BCR: variants seen among roughly 807,000 people sequenced by gnomAD.
BCR encodes the protein BCR activator of RhoGEF and GTPase.
A neutral mutation model predicts 138.6 loss-of-function variants in BCR; 58 were observed. The observed-to-expected ratio is 0.42, with a 90% confidence interval of 0.34 to 0.52. BCR has a LOEUF of 0.52. Among genes scored for constraint, BCR ranks in the 20% least tolerant of loss-of-function variants. BCR has a pLI of 0.06. For synonymous variants in BCR, 786 were observed against 730.1 expected (o/e 1.08, Z -1.23); for missense variants, 1,599 against 1,727.2 (o/e 0.93, Z 1.32).
intron 1 of BCR, among the ~76,000 whole-genome samples, chr22:23,194,363 C>G (rs561535242): frequency 2.7e-5 from 4 of 150,202 alleles, no homozygotes; most frequent in Admixed American, 2.6e-4. Flanking sequence ...ATTCCAGCAT[C>G]TTGGGAGGCT....
intron 1 of BCR, among the ~76,000 whole-genome samples, chr22:23,244,758 C>A (rs5759660): frequency 2.6e-5 from 4 of 152,102 alleles, no homozygotes; most frequent in East Asian, 1.9e-4. Flanking sequence ...CCCCAGAGTC[C>A]TAAAAAGCCC....
rs143099325 is a variant in BCR, at chr22:23,234,342, G to T, written c.1280-19457G>T. Among the ~76,000 whole-genome samples, 651 of 152,318 alleles carry T rather than the reference G, an allele frequency of 4.3e-3. 5 individuals are homozygous for T. Among genetic ancestry groups the T allele is most frequent in the Middle Eastern group, 0.017 (5 of 294 alleles). On this transcript the variant is annotated intron_variant, in intron 1 of 22. Coordinates refer to ENST00000305877, the MANE Select transcript of BCR (RefSeq NM_004327.4). Reference sequence around the variant, plus strand: ...TCTGTTTATTTAGATCTGGGCCCTGGGGTGGCCCCATGCGTTGAATAAGTG... The same window carrying T: ...TCTGTTTATTTAGATCTGGGCCCTGTGGTGGCCCCATGCGTTGAATAAGTG...
chr22:23,305,874 G>A (rs1368552991), intron 16 of BCR, among the ~76,000 whole-genome samples: 1 of 152,130 alleles, frequency 6.6e-6, no homozygotes, highest in African/African-American at 2.4e-5. Context: ...CATCCGGAGT[G>A]CCTCGGTTTT....
At chr22:23,313,101 G>A (rs2074026448) in intron 20 of BCR, 80 bp downstream of exon 20, 4 of 1,504,806 alleles carry the variant, frequency 2.7e-6, no homozygotes, top group African/African-American at 1.4e-5. Context: ...GAAAAGTGAG[G>A]TGTGGGAACC....
At chr22:23,189,556 AAT>A (rs1286471114) in intron 1 of BCR, among the ~76,000 whole-genome samples, 1 of 151,918 alleles carries the variant, frequency 6.6e-6, no homozygotes, top group African/African-American at 2.4e-5. Context: ...GCTGGAGTGC[AAT>A]GGCACGATCT....
chr22:23,307,954 G>A (rs1401180272), intron 16 of BCR, among the ~76,000 whole-genome samples: 2 of 134,874 alleles, frequency 1.5e-5, no homozygotes, highest in African/African-American at 5.8e-5. Context: ...AGCCGCTAGG[G>A]TCCCTTGCAG....
At chr22:23,296,582 G>A (rs131680) in intron 16 of BCR, among the ~76,000 whole-genome samples, 152,156 of 152,236 alleles carry the variant, frequency 1, 76,038 homozygotes, top group Middle Eastern at 1. Flanking sequence ...CTGTTTTTCT[G>A]CCTTGGAAGC....
chr22:23,233,155 A>G lies in BCR; in HGVS notation c.1280-20644A>G, dbSNP rs188436196. Among the ~76,000 whole-genome samples the G allele has an allele frequency of 1.3e-4, 20 of 152,292 alleles. No individual in the cohort carries two copies. In the East Asian group the frequency reaches 3.9e-3, roughly 29 times the overall value. On this transcript the variant is annotated intron_variant, in intron 1 of 22. Coordinates refer to ENST00000305877, the MANE Select transcript of BCR (RefSeq NM_004327.4). ...TGGCATCTCCAGGCAGAGCCTATAC[A>G]GAGCATCCACATCAGAGTCCCCTGT...
intron 5 of BCR, among the ~76,000 whole-genome samples, chr22:23,271,264 G>A (rs1195524643): frequency 6.6e-6 from 1 of 152,246 alleles, no homozygotes; most frequent in African/African-American, 2.4e-5. Context: ...AGGTGCCCAG[G>A]ACAGCTGCTC....
chr22:23,299,066 G>A (rs912660339), intron 16 of BCR, among the ~76,000 whole-genome samples: 1 of 152,078 alleles, frequency 6.6e-6, no homozygotes, highest in Non-Finnish European at 1.5e-5. Context: ...GCATGATCTC[G>A]GCTCACTGCA....
At position 23,305,109 on chromosome 22, in the gene BCR, G is replaced by A. The variant is rs1231021874; in HGVS notation, c.3013-4315G>A. On this transcript the variant is annotated intron_variant, in intron 16 of 22. Transcript: ENST00000305877. Reference sequence around the variant, plus strand: ...AGCCTGGGCAACAGAGTGAGACTCCGCCTTAAAAAAAAAAAAAAAAAGGTG... The same window carrying A: ...AGCCTGGGCAACAGAGTGAGACTCCACCTTAAAAAAAAAAAAAAAAAGGTG... Among the ~76,000 whole-genome samples the A allele has an allele frequency of 2.5e-4, 29 of 113,950 alleles. No homozygotes were observed. In the East Asian group the frequency reaches 9.6e-3, roughly 38 times the overall value. 74.8% of individuals were successfully genotyped at this position (113,950 alleles called of 152,430 possible).
intron 20 of BCR, 128 bp downstream of exon 20, chr22:23,313,149 C>G: frequency 8.2e-7 from 1 of 1,218,222 alleles, no homozygotes; most frequent in South Asian, 1.4e-5. Context: ...GCATTTTAAC[C>G]CAACCTCAAA....
chr22:23,274,485 A>G (rs1350132379), intron 8 of BCR, among the ~76,000 whole-genome samples: 1 of 152,188 alleles, frequency 6.6e-6, no homozygotes, highest in East Asian at 1.9e-4. Flanking sequence ...TCCAGGGGGA[A>G]CAGCTTTTGT....
chr22:23,236,705 T>C (rs190892585), intron 1 of BCR, among the ~76,000 whole-genome samples: 47 of 152,348 alleles, frequency 3.1e-4, no homozygotes, highest in South Asian at 1.2e-3. Context: ...GTGTGGGATG[T>C]GACTGGGTGT....
chr22:23,301,810 C>G (rs1412130237), intron 16 of BCR, among the ~76,000 whole-genome samples: 1 of 152,226 alleles, frequency 6.6e-6, no homozygotes, highest in African/African-American at 2.4e-5. Flanking sequence ...TAGGGTGGCA[C>G]AGCGGGTTCC....
Position 23,181,017 on chromosome 22 carries a change from G to GC in BCR, c.62dup (p.Arg22AlafsTer50). 2 of 1,492,754 alleles carry GC rather than the reference G, an allele frequency of 1.3e-6. No homozygotes were observed. The highest frequency in any genetic ancestry group is 1.8e-6 in the Non-Finnish European group (2 of 1,112,316). The allele number at this position is 1,492,754 out of a possible 1,614,324, so 92.5% of individuals were successfully genotyped here. On this transcript the variant is annotated frameshift_variant, in exon 1 of 23. Coordinates refer to ENST00000305877, the MANE Select transcript of BCR (RefSeq NM_004327.4). LOFTEE classifies it high-confidence loss of function. ...GGAAGGCGCAGTTCCCGGACTCAGA[G>GC]CCCCCGCGCATGGAGCTGCGCTCAG...
chr22:23,264,101 A>G lies in BCR; in HGVS notation c.1752+2561A>G, dbSNP rs1339595938. ...GGGACTGCCGCACCAGTGTCCGGAA[A>G]TGTGTCATGGAGTGGGAGGAGCCCC... On this transcript the variant is annotated intron_variant, in intron 4 of 22. Transcript: ENST00000305877. The G allele has an allele frequency of 4.7e-6, 7 of 1,499,194 alleles. No homozygotes were observed. In the African/African-American group the frequency reaches 5.5e-5, roughly 12 times the overall value. The allele number at this position is 1,499,194 out of a possible 1,614,324, so 92.9% of individuals were successfully genotyped here.
At chr22:23,305,175 C>T (rs1472991205) in intron 16 of BCR, among the ~76,000 whole-genome samples, 3 of 151,650 alleles carry the variant, frequency 2.0e-5, no homozygotes, top group East Asian at 1.9e-4. Context: ...TCATAGACTA[C>T]AGCAGGAGGC....
intron 1 of BCR, among the ~76,000 whole-genome samples, chr22:23,234,614 A>G (rs1036759352): frequency 3.3e-5 from 5 of 152,194 alleles, no homozygotes; most frequent in African/African-American, 4.8e-5. Flanking sequence ...GGCTATCAGA[A>G]TGGTGGGCTG....
Sources: allele counts gnomAD v4.1 joint callset (sites outside exome capture counted in the v4.1 genomes callset), GRCh38; gene constraint gnomAD v4.1.1; transcripts MANE v1.5; gene names NCBI Gene and HGNC (gene_info 2026-07-23, HGNC 2026-07-21).